The following ZNF366 variants were observed in gnomAD, a reference collection of about 807,000 sequenced individuals.
ZNF366 encodes dendritic cell-specific transcript protein.
A neutral mutation model predicts 47.2 loss-of-function variants in ZNF366; 20 were observed. The observed-to-expected ratio is 0.42, with a 90% CI of 0.30 to 0.62. ZNF366 has a LOEUF of 0.62. ZNF366 is among the 20% of genes least tolerant of loss of function. The pLI is 0.16. For missense variants in ZNF366, 987 were observed against 976.3 expected, an observed-to-expected ratio of 1.01 and a Z score of -0.15; for synonymous variants, 421 against 395.1, an observed-to-expected ratio of 1.07 and a Z score of -0.78.
At chr5:72,468,153 T>C (rs1743472116) in intron 1 of ZNF366, among the ~76,000 whole-genome samples, 1 of 152,230 alleles carries the variant, frequency 6.6e-6, no homozygotes, top group African/African-American at 2.4e-5. Flanking sequence ...AGTCTGGCAT[T>C]CCTGCGATTG....
chr5:72,479,868 G>A (rs966933167), intron 1 of ZNF366, among the ~76,000 whole-genome samples: 5 of 152,216 alleles, frequency 3.3e-5, no homozygotes, highest in African/African-American at 1.2e-4. Flanking sequence ...ACAGGGATTG[G>A]ACTGAATTTC....
At position 72,507,380 on chromosome 5, in the gene ZNF366, G is replaced by A; in HGVS notation, c.-144C>T. The stretch of plus-strand genomic sequence containing the variant: ...TTGCAGGGAACTTAAAGAACTCGCA[G>A]GGACAGTGTTTCGAATGACTTAAGA... On this transcript the variant is annotated 5_prime_UTR_variant, in exon 1 of 5. Coordinates refer to ENST00000318442, the MANE Select transcript of ZNF366 (RefSeq NM_152625.3). 2 of 985,360 alleles carry A rather than the reference G, an allele frequency of 2.0e-6. No individual in the cohort carries two copies. The highest frequency in any genetic ancestry group is 2.4e-6 in the Non-Finnish European group (2 of 829,954). The allele number at this position is 985,360 out of a possible 1,614,324, so 61.0% of individuals were successfully genotyped here.
At chr5:72,484,352 C>T (rs1357652663) in intron 1 of ZNF366, among the ~76,000 whole-genome samples, 4 of 149,726 alleles carry the variant, frequency 2.7e-5, no homozygotes, top group Admixed American at 2.0e-4. Flanking sequence ...GGCGTAGTGG[C>T]GGGCGCCTGT....
chr5:72,444,120 T>C lies in ZNF366; in HGVS notation c.1871A>G (p.Asn624Ser). 1 of 1,614,010 alleles carries C rather than the reference T, an allele frequency of 6.2e-7. No homozygotes were observed. Among genetic ancestry groups the C allele is most frequent in the Non-Finnish European group, 8.5e-7 (1 of 1,180,028 alleles). ...SHCHEEEEED[N>S]CYEVEPYSPG... ...GCTGTAGGGCTCCACCTCGTAGCAG[T>C]TATCCTCCTCTTCCTCCTCGTGGCA... Residue 624 changes from asparagine to serine, a missense_variant, in exon 5 of 5, where the codon AAC (asparagine) becomes AGC (serine). Asn to Ser is a conservative substitution (Grantham distance 46). Transcript: ENST00000318442.
chr5:72,501,996 C>T (rs2112358958), intron 1 of ZNF366, among the ~76,000 whole-genome samples: 1 of 152,198 alleles, frequency 6.6e-6, no homozygotes, highest in South Asian at 2.1e-4. Context: ...ATCCATCAAG[C>T]TGGCAGTTTG....
chr5:72,445,315 C>G lies in ZNF366; in HGVS notation c.1700-1024G>C, dbSNP rs574427563. On this transcript the variant is annotated intron_variant, in intron 4 of 4. Transcript: ENST00000318442. ...GGATGGGCGGGACACTGAGGAGGAGCAACAGGAAGGGAGGGGTCCTGGGGT... is the reference window on the plus strand; with the variant it reads ...GGATGGGCGGGACACTGAGGAGGAGGAACAGGAAGGGAGGGGTCCTGGGGT... Among the ~76,000 whole-genome samples, 4 of 151,964 alleles carry G rather than the reference C, an allele frequency of 2.6e-5. No individual in the cohort carries two copies. The East Asian group carries it at 7.8e-4, about 30-fold the overall frequency.
chr5:72,478,272 C>A (rs1743716741), intron 1 of ZNF366, among the ~76,000 whole-genome samples: 1 of 104,696 alleles, frequency 9.6e-6, no homozygotes, highest in Admixed American at 9.8e-5. Context: ...TGATATACCA[C>A]CCCTTCTATG....
intron 1 of ZNF366, among the ~76,000 whole-genome samples, chr5:72,497,012 A>G (rs1744125517): frequency 6.6e-6 from 1 of 152,322 alleles, no homozygotes; most frequent in Admixed American, 6.5e-5. Context: ...GTATAAAACA[A>G]GTCCTTTATC....
intron 1 of ZNF366, among the ~76,000 whole-genome samples, chr5:72,478,833 T>C (rs1221285986): frequency 2.0e-5 from 3 of 152,196 alleles, no homozygotes; most frequent in Non-Finnish European, 4.4e-5. Flanking sequence ...TTCAGACGGC[T>C]CAAGTCTGGG....
At chr5:72,457,206 T>C (rs1450033139) in intron 2 of ZNF366, among the ~76,000 whole-genome samples, 7 of 152,206 alleles carry the variant, frequency 4.6e-5, no homozygotes, top group South Asian at 2.1e-4. Context: ...CAGCTCCTTC[T>C]TATAAAGAAA....
intron 1 of ZNF366, among the ~76,000 whole-genome samples, chr5:72,487,536 T>C (rs1743914515): frequency 6.6e-6 from 1 of 152,164 alleles, no homozygotes; most frequent in South Asian, 2.1e-4. Context: ...ACAGTCCTTC[T>C]CCCCTCCTCT....
At chr5:72,468,289 G>T (rs1334776826) in intron 1 of ZNF366, among the ~76,000 whole-genome samples, 1 of 152,168 alleles carries the variant, frequency 6.6e-6, no homozygotes. Flanking sequence ...CCGATACTGG[G>T]CCAGGCCCCA....
intron 1 of ZNF366, among the ~76,000 whole-genome samples, chr5:72,503,880 G>C (rs1176591718): frequency 6.6e-6 from 1 of 152,184 alleles, no homozygotes; most frequent in Non-Finnish European, 1.5e-5. Flanking sequence ...TAGATTTTTT[G>C]TTATTCTTGC....
rs139894073 is a variant in ZNF366 at position 72,444,170 on chromosome 5, G to A, written c.1821C>T (p.Asp607=). ...AGTGGCTGCCCTGGGCACTCTCCCC[G>A]TCTGACTGGAACACCGGCACCTTGG... is the stretch of plus-strand genomic sequence containing the variant. ...RRAKVPVFQS[D]GESAQGSHCH... is the part of the protein sequence containing the mutation. Residue 607 remains aspartate (D), a synonymous_variant, in exon 5 of 5, where the codon GAC becomes GAT. Coordinates refer to ENST00000318442, the MANE Select transcript of ZNF366 (RefSeq NM_152625.3). The A allele has an allele frequency of 3.5e-4, 567 of 1,613,452 alleles. No homozygotes were observed. Among genetic ancestry groups the A allele is most frequent in the Non-Finnish European group, 4.6e-4 (548 of 1,180,020 alleles).
At chr5:72,492,375 C>T (rs1390473066) in intron 1 of ZNF366, among the ~76,000 whole-genome samples, 1 of 152,188 alleles carries the variant, frequency 6.6e-6, no homozygotes, top group Non-Finnish European at 1.5e-5. Context: ...TATGACCTGT[C>T]ATCTGATTAT....
At chr5:72,484,491 A>AAT (rs1485191986) in intron 1 of ZNF366, among the ~76,000 whole-genome samples, 4 of 150,052 alleles carry the variant, frequency 2.7e-5, no homozygotes, top group East Asian at 1.9e-4. Flanking sequence ...CTCAAAAAAA[A>AAT]AAAAAATAAT....
intron 3 of ZNF366, among the ~76,000 whole-genome samples, chr5:72,448,521 A>G (rs541028480): frequency 6.6e-6 from 1 of 152,146 alleles, no homozygotes; most frequent in Non-Finnish European, 1.5e-5. Context: ...GAATGCAAAC[A>G]GTGATTTTGT....
intron 1 of ZNF366, chr5:72,494,286 C>A (rs1251436796): frequency 2.0e-5 from 3 of 152,142 alleles, no homozygotes; most frequent in African/African-American, 7.2e-5. Flanking sequence ...GCTGTAGTTT[C>A]CTCATCTCTA....
chr5:72,478,508 T>C (rs2112341935), intron 1 of ZNF366, among the ~76,000 whole-genome samples: 1 of 152,350 alleles, frequency 6.6e-6, no homozygotes, highest in South Asian at 2.1e-4. Context: ...CCAATTTCTT[T>C]GCCTGTACAT....
Sources: allele counts gnomAD v4.1 joint callset (sites outside exome capture counted in the v4.1 genomes callset), GRCh38; gene constraint gnomAD v4.1.1; transcripts MANE v1.5; gene names NCBI Gene and HGNC (gene_info 2026-07-23, HGNC 2026-07-21).